The following GRID1 variants were observed in gnomAD, a reference collection of about 807,000 sequenced individuals.
GRID1 encodes glutamate ionotropic receptor delta type subunit 1.
A neutral mutation model predicts 98.0 loss-of-function variants in GRID1; 28 were observed. The observed-to-expected ratio is 0.29, with a 90% CI of 0.21 to 0.39. The LOEUF (loss-of-function observed/expected upper bound fraction) is 0.39, where lower values mean the gene tolerates loss of function less well. GRID1 is among the 10% of genes least tolerant of loss of function. GRID1 has a pLI of 1.00. For missense variants in GRID1, 1,111 were observed against 1,340.5 expected (o/e 0.83, Z 2.67); for synonymous variants, 553 against 538.5 (o/e 1.03, Z -0.37).
At chr10:86,321,756 C>T (rs1847974091) in intron 2 of GRID1, among the ~76,000 whole-genome samples, 1 of 152,094 alleles carries the variant, frequency 6.6e-6, no homozygotes, top group Admixed American at 6.6e-5. Flanking sequence ...GGAGACAGCC[C>T]TCGAGTGGCA....
chr10:85,898,534 T>G (rs1014525163), intron 5 of GRID1, among the ~76,000 whole-genome samples: 18 of 152,226 alleles, frequency 1.2e-4, no homozygotes, highest in Admixed American at 6.5e-4. Context: ...ACACAATGTA[T>G]AGCTATACAA....
chr10:85,947,750 T>G (rs553613054), intron 4 of GRID1, among the ~76,000 whole-genome samples: 6 of 152,358 alleles, frequency 3.9e-5, no homozygotes, highest in Admixed American at 2.6e-4. Flanking sequence ...AGCCACGCTA[T>G]GAAAGCCTTA....
At chr10:85,937,183 G>A (rs139662746) in intron 4 of GRID1, among the ~76,000 whole-genome samples, 1 of 152,292 alleles carries the variant, frequency 6.6e-6, no homozygotes, top group East Asian at 1.9e-4. Flanking sequence ...GGCTTAATTA[G>A]TCTGGGGTGT....
At chr10:85,758,562 A>C (rs568726959) in intron 8 of GRID1, among the ~76,000 whole-genome samples, 4 of 152,298 alleles carry the variant, frequency 2.6e-5, no homozygotes, top group East Asian at 1.9e-4. Flanking sequence ...CAGAGGGCAA[A>C]GTGCAGACTG....
chr10:86,128,148 G>A (rs1166954554), intron 4 of GRID1, among the ~76,000 whole-genome samples: 1 of 149,208 alleles, frequency 6.7e-6, no homozygotes, highest in Non-Finnish European at 1.5e-5. Context: ...GGCCCCAGCT[G>A]AGCATCTGAA....
At chr10:86,284,808 C>T (rs1417067128) in intron 2 of GRID1, among the ~76,000 whole-genome samples, 2 of 152,206 alleles carry the variant, frequency 1.3e-5, no homozygotes, top group Admixed American at 6.5e-5. Flanking sequence ...GGCATAGGGT[C>T]GCAGCAGAGG....
At chr10:86,290,720 G>C (rs1353601706) in intron 2 of GRID1, among the ~76,000 whole-genome samples, 1 of 152,058 alleles carries the variant, frequency 6.6e-6, no homozygotes, top group Non-Finnish European at 1.5e-5. Flanking sequence ...CAAAGATAAA[G>C]CATGAAAGAC....
At chr10:86,070,959 C>A (rs1279476896) in intron 4 of GRID1, among the ~76,000 whole-genome samples, 1 of 152,218 alleles carries the variant, frequency 6.6e-6, no homozygotes, top group Non-Finnish European at 1.5e-5. Context: ...ACCTGCATCT[C>A]CAGGGGCCAA....
chr10:85,833,512 T>C (rs1187529997), intron 8 of GRID1, among the ~76,000 whole-genome samples: 1 of 142,258 alleles, frequency 7.0e-6, no homozygotes, highest in Non-Finnish European at 1.5e-5. Flanking sequence ...CTAACCAGGA[T>C]ATAACTCCCA....
intron 8 of GRID1, among the ~76,000 whole-genome samples, chr10:85,802,886 C>CACAT: frequency 7.0e-6 from 1 of 141,866 alleles, no homozygotes; most frequent in African/African-American, 2.6e-5. Flanking sequence ...CACACACACA[C>CACAT]CAAGGAACAT....
intron 2 of GRID1, among the ~76,000 whole-genome samples, chr10:86,344,264 A>C (rs947985992): frequency 6.6e-6 from 1 of 152,180 alleles, no homozygotes; most frequent in South Asian, 2.1e-4. Context: ...CTCTCAAAAC[A>C]ATTCTTCAAG....
At chr10:86,043,114 A>G (rs892176344) in intron 4 of GRID1, among the ~76,000 whole-genome samples, 41 of 152,106 alleles carry the variant, frequency 2.7e-4, no homozygotes, top group African/African-American at 4.8e-5. Flanking sequence ...TGTCTATTTT[A>G]TTAGACATCA....
intron 8 of GRID1, among the ~76,000 whole-genome samples, chr10:85,747,547 C>T (rs1167022844): frequency 6.6e-6 from 1 of 152,128 alleles, no homozygotes; most frequent in Non-Finnish European, 1.5e-5. Context: ...TTCCTCTTAG[C>T]CCCATACTAT....
At chr10:85,610,523 G>C (rs1349671404) in intron 15 of GRID1, among the ~76,000 whole-genome samples, 1 of 152,146 alleles carries the variant, frequency 6.6e-6, no homozygotes. Context: ...ATGCTTCAAA[G>C]CTCAGTTCTA....
intron 2 of GRID1, among the ~76,000 whole-genome samples, chr10:86,346,005 G>A (rs562825187): frequency 2.4e-4 from 36 of 152,312 alleles, no homozygotes; most frequent in Admixed American, 7.8e-4. Flanking sequence ...AGCCTCCCCT[G>A]GTTAACCCCA....
intron 2 of GRID1, among the ~76,000 whole-genome samples, chr10:86,223,319 G>A (rs1846287146): frequency 6.6e-6 from 1 of 152,214 alleles, no homozygotes; most frequent in Non-Finnish European, 1.5e-5. Context: ...AAGAGACAAA[G>A]AGATGACAGG....
chr10:85,639,224 TATC>T (rs1356330358), intron 13 of GRID1, among the ~76,000 whole-genome samples: 1 of 152,142 alleles, frequency 6.6e-6, no homozygotes, highest in Non-Finnish European at 1.5e-5. Flanking sequence ...TACAATAGAA[TATC>T]ATTCCCACAC....
intron 4 of GRID1, among the ~76,000 whole-genome samples, chr10:85,992,088 T>A (rs942388806): frequency 1.1e-4 from 16 of 152,250 alleles, no homozygotes; most frequent in African/African-American, 3.9e-4. Context: ...ATGAGCCAGC[T>A]GGTGCAAGTG....
intron 4 of GRID1, among the ~76,000 whole-genome samples, chr10:86,053,674 A>G (rs987563510): frequency 6.6e-6 from 1 of 152,098 alleles, no homozygotes; most frequent in African/African-American, 2.4e-5. Context: ...TATTTTTAAA[A>G]CTGTGCTATG....
Sources: gnomAD v4.1 joint callset for allele counts (sites outside exome capture counted in the v4.1 genomes callset) on GRCh38, gnomAD v4.1.1 for gene constraint, MANE v1.5 for transcripts, NCBI Gene and HGNC (gene_info 2026-07-23, HGNC 2026-07-21) for gene names.